MTCL3: variants seen among roughly 807,000 people sequenced by gnomAD.
The protein encoded by MTCL3 is microtubule cross-linking factor 3.
the MTCL3 span, chr6:127,516,738 T>C: frequency 3.2e-5 from 47 of 1,454,640 alleles, no homozygotes; most frequent in Non-Finnish European, 3.7e-5. Flanking sequence ...GAAGACAACA[T>C]GTCTGAATTT....
chr6:127,492,533 A>G, the MTCL3 span, among the ~76,000 whole-genome samples: 1 of 151,826 alleles, frequency 6.6e-6, no homozygotes, highest in African/African-American at 2.4e-5. Flanking sequence ...GAAATTTTTT[A>G]TTTTTAAGAC....
chr6:127,504,992 A>G, the MTCL3 span, among the ~76,000 whole-genome samples: 1 of 152,144 alleles, frequency 6.6e-6, no homozygotes, highest in East Asian at 1.9e-4. Context: ...AGAAATTAGA[A>G]TGTTTAGGGG....
chr6:127,500,822 T>A, the MTCL3 span, among the ~76,000 whole-genome samples: 2 of 152,170 alleles, frequency 1.3e-5, no homozygotes, highest in Non-Finnish European at 2.9e-5. Flanking sequence ...TGAAAGAATT[T>A]TTTTTTTTGA....
chr6:127,515,184 G>T, the MTCL3 span: 1 of 829,536 alleles, frequency 1.2e-6, no homozygotes, highest in Non-Finnish European at 2.0e-6. The surrounding 1 kb of genome is among the most constrained non-coding windows in gnomAD (Gnocchi z 4.3). Flanking sequence ...GTGACAAGGA[G>T]CTGAGTACAG....
At chr6:127,508,319 A>G in the MTCL3 span, among the ~76,000 whole-genome samples, 1 of 152,222 alleles carries the variant, frequency 6.6e-6, no homozygotes. Context: ...TATAGTACAG[A>G]ATTTGCCTAT....
chr6:127,486,927 G>A, the MTCL3 span, among the ~76,000 whole-genome samples: 1 of 152,050 alleles, frequency 6.6e-6, no homozygotes, highest in Non-Finnish European at 1.5e-5. Context: ...GACATATTAT[G>A]CATATAGAAG....
chr6:127,473,265 G>A, the MTCL3 span: 1 of 1,506,206 alleles, frequency 6.6e-7, no homozygotes, highest in Non-Finnish European at 8.8e-7. Flanking sequence ...ACAATGAATG[G>A]TAAATGATGA....
the MTCL3 span, among the ~76,000 whole-genome samples, chr6:127,504,688 A>G: frequency 1.3e-5 from 2 of 152,348 alleles, no homozygotes; most frequent in Non-Finnish European, 2.9e-5. Flanking sequence ...TCTTTTCTGC[A>G]TGAGGTTGAT....
chr6:127,498,299 C>A, the MTCL3 span, among the ~76,000 whole-genome samples: 1 of 151,922 alleles, frequency 6.6e-6, no homozygotes, highest in South Asian at 2.1e-4. Context: ...AGATATTGCA[C>A]AAAATAAGAT....
chr6:127,518,592 C>T, the MTCL3 span: 1 of 147,716 alleles, frequency 6.8e-6, no homozygotes, highest in African/African-American at 2.4e-5. Context: ...TCAGCAGAGG[C>T]GAGGTTTCCA....
the MTCL3 span, chr6:127,515,053 G>C: frequency 6.2e-7 from 1 of 1,612,544 alleles, no homozygotes; most frequent in Non-Finnish European, 8.5e-7. This position sits in a 1 kb window ranked among gnomAD's most constrained non-coding sequence, Gnocchi z 4.3. Context: ...TCGTTCTGAG[G>C]CGGTGACAGG....
chr6:127,482,105 C>CA, the MTCL3 span, among the ~76,000 whole-genome samples: 115 of 152,294 alleles, frequency 7.6e-4, no homozygotes, highest in African/African-American at 2.7e-3. This position sits in a 1 kb window ranked among gnomAD's most constrained non-coding sequence, Gnocchi z 4.1. Context: ...GGGTAACCAG[C>CA]AGCCCTCAGG....
the MTCL3 span, chr6:127,515,672 C>A: frequency 6.6e-7 from 1 of 1,507,984 alleles, no homozygotes; most frequent in Non-Finnish European, 8.8e-7. The surrounding 1 kb of genome is among the most constrained non-coding windows in gnomAD (Gnocchi z 4.3). Flanking sequence ...GGGCCCTCCG[C>A]CGCCGCCGCC....
chr6:127,481,818 A>T, the MTCL3 span, among the ~76,000 whole-genome samples: 1 of 152,198 alleles, frequency 6.6e-6, no homozygotes, highest in Admixed American at 6.6e-5. Flanking sequence ...GCATTCCCAG[A>T]TGGTTAAGGA....
At chr6:127,475,974 G>A in the MTCL3 span, 5 of 1,611,088 alleles carry the variant, frequency 3.1e-6, no homozygotes, top group Non-Finnish European at 4.2e-6. This position sits in a 1 kb window ranked among gnomAD's most constrained non-coding sequence, Gnocchi z 7.3. Flanking sequence ...CGTGGCCGCC[G>A]GACTTGTACT....
chr6:127,478,483 G>A, the MTCL3 span, among the ~76,000 whole-genome samples: 1 of 152,336 alleles, frequency 6.6e-6, no homozygotes, highest in Admixed American at 6.5e-5. Flanking sequence ...GGTTTTGGGT[G>A]AAGAATGTGG....
chr6:127,505,490 G>A, the MTCL3 span, among the ~76,000 whole-genome samples: 2 of 152,276 alleles, frequency 1.3e-5, no homozygotes, highest in Non-Finnish European at 2.9e-5. Context: ...ACACATGGAG[G>A]GGAACAACAC....
the MTCL3 span, chr6:127,516,730 A>G: frequency 4.8e-6 from 7 of 1,468,452 alleles, no homozygotes; most frequent in Non-Finnish European, 6.3e-6. Context: ...GGAGAGAAGA[A>G]GACAACATGT....
the MTCL3 span, chr6:127,515,568 C>A: frequency 6.8e-7 from 1 of 1,462,750 alleles, no homozygotes; most frequent in Non-Finnish European, 9.0e-7. This position sits in a 1 kb window ranked among gnomAD's most constrained non-coding sequence, Gnocchi z 4.3. Flanking sequence ...GCATTTCTTC[C>A]TGCTCTTGGA....
Sources: allele counts gnomAD v4.1 joint callset (sites outside exome capture counted in the v4.1 genomes callset), GRCh38; gene constraint gnomAD v4.1.1; non-coding constraint Gnocchi (gnomAD v3.1); transcripts MANE v1.5; gene names NCBI Gene and HGNC (gene_info 2026-07-23, HGNC 2026-07-21).